The following SNTG2 variants were observed in gnomAD, a reference collection of about 807,000 sequenced individuals.
The protein encoded by SNTG2 is gamma-2-syntrophin.
Under a neutral mutation model 70.9 loss-of-function variants are expected in SNTG2, and 74 were observed. The observed-to-expected ratio is 1.04, with a 90% confidence interval of 0.86 to 1.27. SNTG2 has a LOEUF of 1.27. Ranked by LOEUF, SNTG2 falls within the 50% of genes most tolerant of loss-of-function variation. The probability of loss-of-function intolerance (pLI) is 0.00; values close to 1 mark genes in which losing one functional copy is unlikely to be tolerated. For missense variants in SNTG2, 717 were observed against 690.7 expected, an observed-to-expected ratio of 1.04 and a Z score of -0.43; for synonymous variants, 278 against 273.8, an observed-to-expected ratio of 1.02 and a Z score of -0.15.
At chr2:1,137,845 T>C (rs1208754300) in intron 6 of SNTG2, 36 bp downstream of exon 6, 16 of 1,547,592 alleles carry the variant, frequency 1.0e-5, no homozygotes, top group East Asian at 2.2e-5. Context: ...TTCTGTTTAT[T>C]ATTCTTGTAT....
intron 6 of SNTG2, among the ~76,000 whole-genome samples, chr2:1,150,950 C>T (rs539874165): frequency 2.0e-5 from 3 of 152,170 alleles, no homozygotes; most frequent in Non-Finnish European, 4.4e-5. Flanking sequence ...GCCTCATTCT[C>T]ACCTGTGCTG....
At chr2:1,109,540 G>A (rs764836453) in intron 4 of SNTG2, among the ~76,000 whole-genome samples, 1 of 152,252 alleles carries the variant, frequency 6.6e-6, no homozygotes, top group South Asian at 2.1e-4. Flanking sequence ...TCATAGGGCA[G>A]CAGATAAACA....
chr2:1,118,721 T>A (rs1438212737), intron 4 of SNTG2, among the ~76,000 whole-genome samples: 1 of 150,082 alleles, frequency 6.7e-6, no homozygotes, highest in East Asian at 1.9e-4. Context: ...TTTGGGGAGG[T>A]GAATAGAAAA....
intron 6 of SNTG2, among the ~76,000 whole-genome samples, chr2:1,149,910 A>C (rs67116051): frequency 1.1e-4 from 16 of 151,444 alleles, no homozygotes; most frequent in Non-Finnish European, 1.9e-4. Flanking sequence ...GGATGGTCTC[A>C]ATCTCCTGAC....
intron 1 of SNTG2, among the ~76,000 whole-genome samples, chr2:968,038 A>C (rs1660627388): frequency 6.6e-6 from 1 of 152,142 alleles, no homozygotes; most frequent in Admixed American, 6.6e-5. Context: ...ATTAAAAAAA[A>C]AAAAGTGTCT....
intron 9 of SNTG2, among the ~76,000 whole-genome samples, chr2:1,209,501 G>T (rs550727542): frequency 4.6e-5 from 7 of 152,272 alleles, no homozygotes; most frequent in African/African-American, 1.4e-4. Context: ...ATTAGTAAAA[G>T]AAATTCTATT....
chr2:1,134,107 G>T (rs1668200858), intron 4 of SNTG2, among the ~76,000 whole-genome samples: 1 of 152,138 alleles, frequency 6.6e-6, no homozygotes, highest in Non-Finnish European at 1.5e-5. Flanking sequence ...CTGTGGGTTT[G>T]TGGTCTCGCT....
At chr2:989,158 A>G (rs942378546) in intron 1 of SNTG2, among the ~76,000 whole-genome samples, 1 of 152,164 alleles carries the variant, frequency 6.6e-6, no homozygotes, top group African/African-American at 2.4e-5. Context: ...TATGTAGGCA[A>G]TCATGTTATC....
intron 16 of SNTG2, among the ~76,000 whole-genome samples, chr2:1,341,993 G>T (rs1660123241): frequency 6.6e-6 from 1 of 152,054 alleles, no homozygotes; most frequent in Non-Finnish European, 1.5e-5. Flanking sequence ...TTACAGCTGT[G>T]CACCACCTCA....
At chr2:1,227,462 C>T (rs980840875) in intron 9 of SNTG2, among the ~76,000 whole-genome samples, 3 of 152,234 alleles carry the variant, frequency 2.0e-5, no homozygotes, top group South Asian at 2.1e-4. Context: ...GTGGAGGAGC[C>T]GCCCATGTGA....
intron 14 of SNTG2, among the ~76,000 whole-genome samples, chr2:1,275,177 C>G (rs893090740): frequency 2.0e-5 from 3 of 152,222 alleles, no homozygotes; most frequent in African/African-American, 7.2e-5. Flanking sequence ...GCCATCATGA[C>G]CCAAATGCCC....
chr2:1,008,548 C>G (rs1272372110), intron 1 of SNTG2, among the ~76,000 whole-genome samples: 3 of 152,140 alleles, frequency 2.0e-5, no homozygotes, highest in South Asian at 4.1e-4. Flanking sequence ...TTAAAACATG[C>G]ATGAATTTCA....
At chr2:968,468 T>C (rs1402092390) in intron 1 of SNTG2, among the ~76,000 whole-genome samples, 3 of 152,190 alleles carry the variant, frequency 2.0e-5, no homozygotes, top group Non-Finnish European at 2.9e-5. Context: ...TTGGCCTTTT[T>C]GAAGTTCATT....
In SNTG2 at chr2:1,260,470, C is replaced by T. The variant is rs143069425; in HGVS notation, c.1077+1029C>T. ...TAATGAAGGAGATGAAGGAAAAGGC[C>T]GGATGTATTTAAATTAAGACTCCTA... On this transcript the variant is annotated intron_variant, in intron 13 of 16. Transcript: ENST00000308624. Among the ~76,000 whole-genome samples, 590 of 151,982 alleles carry T rather than the reference C, an allele frequency of 3.9e-3. 3 individuals are homozygous for T. Among genetic ancestry groups the T allele is most frequent in the African/African-American group, 0.013 (546 of 41,448 alleles).
intron 6 of SNTG2, among the ~76,000 whole-genome samples, chr2:1,149,846 CCT>C (rs1334227339): frequency 6.6e-6 from 1 of 150,648 alleles, no homozygotes; most frequent in African/African-American, 2.4e-5. Context: ...CGCCACCGCG[CCT>C]GGCTAATTTT....
chr2:1,230,279 T>A (rs1433306484), intron 9 of SNTG2, among the ~76,000 whole-genome samples: 1 of 152,198 alleles, frequency 6.6e-6, no homozygotes, highest in Non-Finnish European at 1.5e-5. Flanking sequence ...GCCTGGTATA[T>A]CAGACACAAT....
intron 4 of SNTG2, among the ~76,000 whole-genome samples, chr2:1,100,624 G>GT (rs1485063161): frequency 6.6e-6 from 1 of 152,206 alleles, no homozygotes; most frequent in African/African-American, 2.4e-5. Flanking sequence ...CACCGTTGCT[G>GT]TGTCGGGCGT....
intron 14 of SNTG2, among the ~76,000 whole-genome samples, chr2:1,303,864 T>C (rs2148240301): frequency 6.6e-6 from 1 of 152,338 alleles, no homozygotes; most frequent in Middle Eastern, 3.4e-3. Flanking sequence ...CAACTTAAAC[T>C]GAAGAGACTG....
chr2:963,019 T>G (rs1660405006), intron 1 of SNTG2, among the ~76,000 whole-genome samples: 1 of 152,158 alleles, frequency 6.6e-6, no homozygotes, highest in Non-Finnish European at 1.5e-5. Flanking sequence ...CTCATACCAC[T>G]CCTGTAGTCT....
Sources: gnomAD v4.1 joint callset for allele counts (sites outside exome capture counted in the v4.1 genomes callset) on GRCh38, gnomAD v4.1.1 for gene constraint, MANE v1.5 for transcripts, NCBI Gene and HGNC (gene_info 2026-07-23, HGNC 2026-07-21) for gene names.